SLC25A22: variants seen among roughly 807,000 people sequenced by gnomAD.
SLC25A22 encodes the protein mitochondrial glutamate carrier 1.
A neutral mutation model predicts 33.7 loss-of-function variants in SLC25A22; 23 were observed. That is an observed-to-expected ratio of 0.68 (90% CI 0.49 to 0.97). SLC25A22 has a LOEUF of 0.97. Ranked by LOEUF, SLC25A22 falls within the 50% of genes least tolerant of loss-of-function variation. The pLI, the probability that SLC25A22 is intolerant of heterozygous loss-of-function variation, is 0.00. For missense variants in SLC25A22, 390 were observed against 451.1 expected (o/e 0.86, Z 1.23); for synonymous variants, 245 against 203.8 (o/e 1.20, Z -1.72).
intron 4 of SLC25A22, chr11:794,051 G>A (rs553873719): frequency 8.9e-5 from 43 of 482,166 alleles, no homozygotes; most frequent in East Asian, 3.4e-4. Flanking sequence ...TCTCAGTGCC[G>A]AAGGCTCAGG....
In SLC25A22 at chr11:792,995, T is replaced by G. The variant is rs762588496; in HGVS notation, c.294-7A>C. The G allele has an allele frequency of 2.5e-6, 4 of 1,612,680 alleles. No homozygotes were observed. In the African/African-American group the frequency reaches 5.3e-5, roughly 22 times the overall value. ...AAGCAGGGTCAGCTTCTGCCTGTGG[T>G]AGGGGCGGGGCCGCAGTAAGTGGGA... is the stretch of plus-strand genomic sequence containing the variant. On this transcript the variant is annotated splice_polypyrimidine_tract_variant and splice_region_variant and intron_variant, in intron 5 of 9. Coordinates refer to ENST00000628067, the MANE Select transcript of SLC25A22 (RefSeq NM_001191061.2).
rs570347556 is a variant in SLC25A22 at position 798,229 on chromosome 11, C to T, written c.-176G>A. The T allele has an allele frequency of 5.1e-6, 2 of 394,954 alleles. No individual in the cohort carries two copies. Among genetic ancestry groups the T allele is most frequent in the East Asian group, 7.2e-5 (2 of 27,904 alleles). 24.5% of individuals were successfully genotyped at this position (394,954 alleles called of 1,614,324 possible). A position where few individuals can be genotyped will look rare whatever the true frequency, so the allele number is the denominator to read the frequency against. On this transcript the variant is annotated 5_prime_UTR_variant, in exon 1 of 10. Transcript: ENST00000628067. ...GGCAGACACTCACCACGCTCGCCGCCGCCGCCGCGCTCGCCTGCCCGCCCC... is the reference window on the plus strand; with the variant it reads ...GGCAGACACTCACCACGCTCGCCGCTGCCGCCGCGCTCGCCTGCCCGCCCC...
At chr11:795,591 C>T in intron 1 of SLC25A22, 1 of 225,410 alleles carries the variant, frequency 4.4e-6, no homozygotes, top group Non-Finnish European at 9.0e-6. Flanking sequence ...CCGGCACCTG[C>T]CCCCTTCGAG....
Position 794,976 on chromosome 11 carries a change from T to C in SLC25A22, c.20+11A>G. The C allele has an allele frequency of 1.3e-6, 2 of 1,560,878 alleles. No homozygotes were observed. The highest frequency in any genetic ancestry group is 1.7e-6 in the Non-Finnish European group (2 of 1,152,614). ...TGGGGGTGAGGCACGCAGCCAGGAC[T>C]GGAGTCTGACCTGATCTGCTTATCA... is the stretch of plus-strand genomic sequence containing the variant. On this transcript the variant is annotated intron_variant, in intron 2 of 9. Transcript: ENST00000628067.
chr11:793,397 C>T (rs569498839), intron 5 of SLC25A22, 132 bp downstream of exon 5: 15 of 808,646 alleles, frequency 1.9e-5, no homozygotes, highest in Admixed American at 1.8e-4. Context: ...GGGTGCCCCA[C>T]GAGGTCAAAG....
chr11:797,681 C>A (rs1275132401), intron 1 of SLC25A22: 3 of 398,700 alleles, frequency 7.5e-6, no homozygotes, highest in Non-Finnish European at 1.3e-5. Flanking sequence ...TCCCGCTGTC[C>A]CCGTCCTCTT....
intron 7 of SLC25A22, 21 bp downstream of exon 7, chr11:792,532 C>G (rs374443556): frequency 1.1e-5 from 17 of 1,612,390 alleles, no homozygotes; most frequent in South Asian, 8.8e-5. Context: ...TCCCTCCCCC[C>G]ACCTGCCCTG....
Position 791,216 on chromosome 11 carries a change from CACAT to C in SLC25A22, c.*695_*698del, listed in dbSNP as rs1466529839. ...CACAACACACACACGCATGCACACA[CACAT>C]ACACACACACATGCACACAGACCTC... is the stretch of plus-strand genomic sequence containing the variant. On this transcript the variant is annotated 3_prime_UTR_variant, in exon 10 of 10. Transcript: ENST00000628067. 18 of 157,452 alleles carry C rather than the reference CACAT, an allele frequency of 1.1e-4. No homozygotes were observed. Among genetic ancestry groups the C allele is most frequent in the Admixed American group, 1.1e-3 (18 of 15,996 alleles). The allele number at this position is 157,452 out of a possible 1,614,324, so 9.8% of individuals were successfully genotyped here.
intron 9 of SLC25A22, 35 bp from the exon 10 acceptor site, chr11:792,103 G>GCAGGCCCC: frequency 6.2e-7 from 1 of 1,603,564 alleles, no homozygotes; most frequent in Non-Finnish European, 8.5e-7. Flanking sequence ...AGCCCGGTAC[G>GCAGGCCCC]CAGGCCCCCA....
intron 3 of SLC25A22, 56 bp from the exon 4 acceptor site, chr11:794,569 G>C (rs1442050000): frequency 8.1e-6 from 13 of 1,595,460 alleles, no homozygotes; most frequent in Non-Finnish European, 1.1e-5. Flanking sequence ...CGGAGGCCAG[G>C]GTCCCTGGAC....
At chr11:792,519 C>A in intron 7 of SLC25A22, 34 bp downstream of exon 7, 5 of 1,612,490 alleles carry the variant, frequency 3.1e-6, no homozygotes, top group Non-Finnish European at 4.2e-6. Flanking sequence ...CCGGCCTCCC[C>A]CTTCCCTCCC....
At position 794,424 on chromosome 11, in the gene SLC25A22, T is replaced by G. The variant is rs766669995; in HGVS notation, c.202+34A>C. 27 of 1,607,560 alleles carry G rather than the reference T, an allele frequency of 1.7e-5. No individual in the cohort carries two copies. The Admixed American group carries it at 3.0e-4, about 18-fold the overall frequency. The stretch of plus-strand genomic sequence containing the variant: ...ACGACTCGCGGGCGCTACCCAGGCC[T>G]GCCCATATCGAGCCCAGCCGAGCCA... On this transcript the variant is annotated intron_variant, in intron 4 of 9. Coordinates refer to ENST00000628067, the MANE Select transcript of SLC25A22 (RefSeq NM_001191061.2).
At chr11:792,500 G>A (rs905267722) in intron 7 of SLC25A22, 42 bp from the exon 8 acceptor site, 3 of 1,612,684 alleles carry the variant, frequency 1.9e-6, no homozygotes, top group Non-Finnish European at 2.5e-6. Flanking sequence ...AGGTGGTGGG[G>A]TGGGCAGGCC....
chr11:796,652 G>A (rs1325347993), intron 1 of SLC25A22, among the ~76,000 whole-genome samples: 2 of 152,220 alleles, frequency 1.3e-5, no homozygotes, highest in Non-Finnish European at 2.9e-5. Context: ...CGTGTCTGTG[G>A]GATGTGTGTC....
Position 791,972 on chromosome 11 carries a change from G to T in SLC25A22, c.915C>A (p.Val305=), listed in dbSNP as rs751834341. ...GGGACTCCGCGATGCCCAGGAAGTAGACCACCTGTGCGATGCCGAAAAGGG... is the reference window on the plus strand; with the variant it reads ...GGGACTCCGCGATGCCCAGGAAGTATACCACCTGTGCGATGCCGAAAAGGG... ...IAPLFGIAQV[V]YFLGIAESLL... is the part of the protein sequence containing the mutation. Residue 305 remains valine (V), a synonymous_variant, in exon 10 of 10, where the codon GTC becomes GTA. Coordinates refer to ENST00000628067, the MANE Select transcript of SLC25A22 (RefSeq NM_001191061.2). 3 of 1,608,664 alleles carry T rather than the reference G, an allele frequency of 1.9e-6. No homozygotes were observed. The highest frequency in any genetic ancestry group is 1.1e-5 in the South Asian group (1 of 90,876).
rs1374059256 is a variant in SLC25A22, at chr11:792,850, C to T, written c.412+20G>A. 2.8e-6 allele frequency: 2 copies of T among 702,678 alleles called. No homozygotes were observed. The highest frequency in any genetic ancestry group is 1.9e-5 in the Admixed American group (1 of 51,932). 43.5% of individuals were successfully genotyped at this position (702,678 alleles called of 1,614,324 possible). ...TCTTCCCGCACCTCTGCCCTCTCCT[C>T]CCCCTCCCCCCGCCCTCACCAATGC... On this transcript the variant is annotated intron_variant, in intron 6 of 9. Coordinates refer to ENST00000628067, the MANE Select transcript of SLC25A22 (RefSeq NM_001191061.2).
intron 1 of SLC25A22, 174 bp downstream of exon 1, chr11:798,043 C>T (rs1052007181): frequency 2.5e-6 from 1 of 398,284 alleles, no homozygotes; most frequent in Admixed American, 4.4e-5. Context: ...GCGTCTCACG[C>T]CAGAGCAGCC....
At chr11:794,403 C>T (rs1386068535) in intron 4 of SLC25A22, 55 bp downstream of exon 4, 10 of 1,590,062 alleles carry the variant, frequency 6.3e-6, no homozygotes, top group Non-Finnish European at 7.7e-6. Context: ...CCTGCCACGA[C>T]TCGCGGGCGC....
intron 1 of SLC25A22, chr11:796,005 C>G (rs1350873538): frequency 6.6e-6 from 1 of 152,350 alleles, no homozygotes; most frequent in East Asian, 1.9e-4. Context: ...GCCTTTCCCC[C>G]CTCCCTGGGC....
Sources: allele counts gnomAD v4.1 joint callset (sites outside exome capture counted in the v4.1 genomes callset), GRCh38; gene constraint gnomAD v4.1.1; transcripts MANE v1.5; gene names NCBI Gene and HGNC (gene_info 2026-07-23, HGNC 2026-07-21).